PTBP3: variants seen among roughly 807,000 people sequenced by gnomAD.
PTBP3 encodes the protein polypyrimidine tract-binding protein 3.
Under a neutral mutation model 58.7 loss-of-function variants are expected in PTBP3, and 20 were observed. The ratio of observed to expected loss-of-function variants is 0.34; its 90% CI spans 0.24 to 0.50. The LOEUF (loss-of-function observed/expected upper bound fraction) is 0.50, where lower values mean the gene tolerates loss of function less well. Among genes scored for constraint, PTBP3 ranks in the 20% least tolerant of loss-of-function variants. The pLI, the probability that PTBP3 is intolerant of heterozygous loss-of-function variation, is 0.98. For missense variants in PTBP3, 509 were observed against 637.2 expected (o/e 0.80, Z 2.17); for synonymous variants, 185 against 219.8 (o/e 0.84, Z 1.40).
Position 112,333,602 on chromosome 9 carries a change from C to G in PTBP3, c.-184G>C, listed in dbSNP as rs1830481302. The G allele has an allele frequency of 8.2e-7, 1 of 1,212,274 alleles. No individual in the cohort carries two copies. Among genetic ancestry groups the G allele is most frequent in the Non-Finnish European group, 1.2e-6 (1 of 852,452 alleles). 75.1% of individuals were successfully genotyped at this position (1,212,274 alleles called of 1,614,324 possible). On this transcript the variant is annotated 5_prime_UTR_variant, in exon 1 of 14. Transcript: ENST00000374257. ...TTGGCTCTGCGGAGCCCCGGCCGGT[C>G]CGAGGTGGAAGGAGAGTGGGAACAG...
At position 112,220,783 on chromosome 9, in the gene PTBP3, T is replaced by C. The variant is rs565185142; in HGVS notation, c.*3068A>G. 4.4e-5 allele frequency: 43 copies of C among 982,316 alleles called. No individual in the cohort carries two copies. The highest frequency in any genetic ancestry group is 5.1e-5 in the Non-Finnish European group (42 of 827,012). The allele number at this position is 982,316 out of a possible 1,614,324, so 60.8% of individuals were successfully genotyped here. A position where few individuals can be genotyped will look rare whatever the true frequency, so the allele number is the denominator to read the frequency against. On this transcript the variant is annotated 3_prime_UTR_variant, in exon 14 of 14. Transcript: ENST00000374257. The stretch of plus-strand genomic sequence containing the variant: ...TTTGGTGTAATTCGCTACTGTTAAA[T>C]GTGTACTGCTATTTTTTAAAGTCCT...
intron 1 of PTBP3, among the ~76,000 whole-genome samples, chr9:112,307,214 A>T (rs1233363157): frequency 6.6e-6 from 1 of 152,152 alleles, no homozygotes; most frequent in Admixed American, 6.5e-5. Context: ...GCACTTTGGG[A>T]GGCCAAGGTG....
chr9:112,346,018 G>T, the PTBP3 span, among the ~76,000 whole-genome samples: 1 of 151,628 alleles, frequency 6.6e-6, no homozygotes, highest in Non-Finnish European at 1.5e-5. Flanking sequence ...ATCATGCCCA[G>T]CTAATTTTTG....
Position 112,221,077 on chromosome 9 carries a change from T to G in PTBP3, c.*2774A>C, listed in dbSNP as rs188960392. 6 of 985,130 alleles carry G rather than the reference T, an allele frequency of 6.1e-6. No individual in the cohort carries two copies. The Admixed American group carries it at 3.7e-4, about 61-fold the overall frequency. 61.0% of individuals were successfully genotyped at this position (985,130 alleles called of 1,614,324 possible). On this transcript the variant is annotated 3_prime_UTR_variant, in exon 14 of 14. Coordinates refer to ENST00000374257, the MANE Select transcript of PTBP3 (RefSeq NM_001163788.4). Reference sequence around the variant, plus strand: ...AATTCAAACAGCAAATAGCTTAATATGGACAACATCCATGTGCTACAGCTA... The same window carrying G: ...AATTCAAACAGCAAATAGCTTAATAGGGACAACATCCATGTGCTACAGCTA...
intron 2 of PTBP3, among the ~76,000 whole-genome samples, chr9:112,276,554 G>T (rs1298067120): frequency 6.6e-6 from 1 of 151,848 alleles, no homozygotes. Context: ...GGTTTCCTAT[G>T]ATAATCTTAT....
intron 2 of PTBP3, among the ~76,000 whole-genome samples, chr9:112,285,367 T>G (rs955283774): frequency 2.0e-5 from 3 of 152,206 alleles, no homozygotes; most frequent in Non-Finnish European, 4.4e-5. Context: ...CAATTAAACC[T>G]CTTTTCTTTA....
the PTBP3 span, among the ~76,000 whole-genome samples, chr9:112,375,382 C>T: frequency 1.3e-5 from 2 of 152,238 alleles, no homozygotes; most frequent in Non-Finnish European, 2.9e-5. Flanking sequence ...AGGTGCACTG[C>T]TGGAAGTTCT....
At chr9:112,239,962 TCA>T (rs1279926936) in intron 7 of PTBP3, among the ~76,000 whole-genome samples, 1 of 151,756 alleles carries the variant, frequency 6.6e-6, no homozygotes, top group Non-Finnish European at 1.5e-5. Flanking sequence ...AAAATCTCTC[TCA>T]GTGTACCTGG....
intron 2 of PTBP3, 140 bp downstream of exon 2, chr9:112,297,692 T>C (rs1828748939): frequency 3.4e-6 from 2 of 589,614 alleles, no homozygotes; most frequent in South Asian, 2.6e-5. Context: ...GTAAACAGTA[T>C]ATAGTACTTT....
chr9:112,378,189 C>G, the PTBP3 span, among the ~76,000 whole-genome samples: 1 of 152,160 alleles, frequency 6.6e-6, no homozygotes, highest in Non-Finnish European at 1.5e-5. Flanking sequence ...ATGGGTAACT[C>G]CAAATCACAC....
At chr9:112,255,633 T>G (rs1439274835) in intron 5 of PTBP3, among the ~76,000 whole-genome samples, 1 of 152,094 alleles carries the variant, frequency 6.6e-6, no homozygotes, top group Admixed American at 6.6e-5. Flanking sequence ...CAGGGTAAAA[T>G]CCAAGCTCCT....
chr9:112,279,803 C>A (rs186363420), intron 2 of PTBP3, among the ~76,000 whole-genome samples: 49 of 152,174 alleles, frequency 3.2e-4, no homozygotes, highest in Non-Finnish European at 5.7e-4. Flanking sequence ...TTATTTAGAT[C>A]TTTTTAAATT....
intron 7 of PTBP3, among the ~76,000 whole-genome samples, chr9:112,238,218 G>C (rs752670066): frequency 6.6e-6 from 1 of 151,832 alleles, no homozygotes; most frequent in Non-Finnish European, 1.5e-5. Flanking sequence ...TTTGAAAAAA[G>C]ACATACAAAA....
chr9:112,246,171 C>T (rs574404516), intron 7 of PTBP3, among the ~76,000 whole-genome samples: 693 of 151,750 alleles, frequency 4.6e-3, no homozygotes, highest in Non-Finnish European at 7.3e-3. Context: ...TTAGTAGAGA[C>T]AGGGTTTCAC....
At chr9:112,356,289 T>C in the PTBP3 span, among the ~76,000 whole-genome samples, 1 of 152,124 alleles carries the variant, frequency 6.6e-6, no homozygotes, top group Non-Finnish European at 1.5e-5. Context: ...GGAAACTCTT[T>C]AAAGCAGCTT....
rs1564415842 is a variant in PTBP3, at chr9:112,263,791, C to CGAGTGAA, written c.352-1193_352-1192insTTCACTC. ...GTATTCTGGTTGATAGAAGAATGTT[C>CGAGTGAA]TTGTTTGTAGGAAATGCAGGCTAAA... On this transcript the variant is annotated intron_variant, in intron 4 of 13. Coordinates refer to ENST00000374257, the MANE Select transcript of PTBP3 (RefSeq NM_001163788.4). Among the ~76,000 whole-genome samples the CGAGTGAA allele has an allele frequency of 5.8e-4, 88 of 152,174 alleles. No individual in the cohort carries two copies. The East Asian group carries it at 0.016, about 28-fold the overall frequency.
At chr9:112,224,914 C>A (rs1045317486) in intron 12 of PTBP3, among the ~76,000 whole-genome samples, 1 of 152,138 alleles carries the variant, frequency 6.6e-6, no homozygotes, top group African/African-American at 2.4e-5. Flanking sequence ...ATGACTAAGC[C>A]ATTTTGGAAA....
intron 1 of PTBP3, among the ~76,000 whole-genome samples, chr9:112,311,436 A>G (rs1418154359): frequency 6.6e-6 from 1 of 152,214 alleles, no homozygotes; most frequent in Admixed American, 6.5e-5. Flanking sequence ...GTTAAGTTAT[A>G]TGGAAATACA....
At chr9:112,345,466 C>T in the PTBP3 span, among the ~76,000 whole-genome samples, 2 of 150,756 alleles carry the variant, frequency 1.3e-5, no homozygotes, top group Non-Finnish European at 2.9e-5. Flanking sequence ...GCCTCCACCT[C>T]CTGGGTTCAG....
Sources: gnomAD v4.1 joint callset for allele counts (sites outside exome capture counted in the v4.1 genomes callset) on GRCh38, gnomAD v4.1.1 for gene constraint, MANE v1.5 for transcripts, NCBI Gene and HGNC (gene_info 2026-07-23, HGNC 2026-07-21) for gene names.